The following CCNP variants were observed in gnomAD, a reference collection of about 807,000 sequenced individuals.
CCNP encodes cyclin P, also known as cyclin-P.
Under a neutral mutation model 19.6 loss-of-function variants are expected in CCNP, and 18 were observed. The ratio of observed to expected loss-of-function variants is 0.92; its 90% CI spans 0.64 to 1.36. The LOEUF (loss-of-function observed/expected upper bound fraction) is 1.36, where lower values mean the gene tolerates loss of function less well. CCNP is among the 40% of genes most tolerant of loss of function. The pLI, the probability that CCNP is intolerant of heterozygous loss-of-function variation, is 0.00. For missense variants in CCNP, 440 were observed against 424.4 expected (o/e 1.04, Z -0.32); for synonymous variants, 228 against 194.9 (o/e 1.17, Z -1.41).
rs73933224 is a variant in CCNP at position 40,222,982 on chromosome 19, G to A, written c.*70C>T. Reference sequence around the variant, plus strand: ...GCAAGGTTAAGAGACCCCAGATCTGGACTAATGGGGTCCTCCCACCCCATT... The same window carrying A: ...GCAAGGTTAAGAGACCCCAGATCTGAACTAATGGGGTCCTCCCACCCCATT... On this transcript the variant is annotated 3_prime_UTR_variant, in exon 5 of 5. Coordinates refer to ENST00000430325, the MANE Select transcript of CCNP (RefSeq NM_024877.4). The A allele has an allele frequency of 3.8e-3, 3,360 of 876,518 alleles. 63 individuals carry two copies. The African/African-American group carries it at 0.05, about 13-fold the overall frequency. 54.3% of individuals were successfully genotyped at this position (876,518 alleles called of 1,614,324 possible). A position where few individuals can be genotyped will look rare whatever the true frequency, so the allele number is the denominator to read the frequency against.
Position 40,224,831 on chromosome 19 carries a change from G to T in CCNP, c.268-20C>A. 6.5e-7 allele frequency: 1 copy of T among 1,543,164 alleles called. No individual in the cohort carries two copies. The highest frequency in any genetic ancestry group is 8.8e-7 in the Non-Finnish European group (1 of 1,141,334). ...GCACACCTGGGGTTGGGGCAGGGAC[G>T]CTTCACTCTCCACACCTGTGCCTCT... On this transcript the variant is annotated intron_variant, in intron 1 of 4. Coordinates refer to ENST00000430325, the MANE Select transcript of CCNP (RefSeq NM_024877.4).
intron 1 of CCNP, among the ~76,000 whole-genome samples, chr19:40,225,793 A>G (rs973991063): frequency 2.0e-5 from 3 of 152,176 alleles, no homozygotes; most frequent in African/African-American, 2.4e-5. Context: ...TGCTTTGTCT[A>G]TTTGGCCGCT....
chr19:40,224,006 G>A (rs1247274474), intron 3 of CCNP, among the ~76,000 whole-genome samples: 2 of 151,788 alleles, frequency 1.3e-5, no homozygotes. Flanking sequence ...TTTTTTTGGA[G>A]TGCAGTAGCG....
rs1973511800 is a variant in CCNP at position 40,224,573 on chromosome 19, C to T, written c.428G>A (p.Gly143Asp). Residue 143 changes from glycine to aspartate, a missense_variant, in exon 3 of 5, where the codon GGC (glycine) becomes GAC (aspartate). Gly to Asp is a moderately conservative substitution (Grantham distance 94). Coordinates refer to ENST00000430325, the MANE Select transcript of CCNP (RefSeq NM_024877.4). ...VHLLDSYLSA[G>D]RVRLHRLQLL... ...CTGCAGGCGATGTAGACGCACGCGG[C>T]CAGCGCTCAGGTAGGAATCAAGCAG... 1.2e-6 allele frequency: 2 copies of T among 1,614,232 alleles called. No individual in the cohort carries two copies. Among genetic ancestry groups the T allele is most frequent in the Non-Finnish European group, 1.7e-6 (2 of 1,180,038 alleles).
chr19:40,223,238 C>G lies in CCNP; in HGVS notation c.738G>C (p.Glu246Asp), dbSNP rs1336424311. 2 of 1,546,422 alleles carry G rather than the reference C, an allele frequency of 1.3e-6. No homozygotes were observed. The highest frequency in any genetic ancestry group is 1.7e-6 in the Non-Finnish European group (2 of 1,144,040). Residue 246 changes from glutamate to aspartate, a missense_variant, in exon 5 of 5, where the codon GAG becomes GAC. By Grantham distance (45) the Glu-to-Asp change is conservative. Transcript: ENST00000430325. ...GAGCCGCAGCCGCACGACGACCCGG[C>G]TCCCATCCCGCCGCCTCGGCCTCCA... ...SLLEAEAAGW[E>D]PGRRAAAALS...
In CCNP at chr19:40,226,549, G is replaced by A; in HGVS notation, c.93C>T (p.Leu31=). The change falls in exon 1 of 5, where the codon CTC becomes CTT. Residue 31 remains leucine, a synonymous_variant. Coordinates refer to ENST00000430325, the MANE Select transcript of CCNP (RefSeq NM_024877.4). ...WAPRPSPLQS[L]AASLDAEPSS... ...AAGGCTCTGCGTCGAGGGAGGCAGC[G>A]AGACTCTGCAAAGGAGAGGGCCTGG... 2 of 1,580,730 alleles carry A rather than the reference G, an allele frequency of 1.3e-6. No homozygotes were observed. The highest frequency in any genetic ancestry group is 2.3e-5 in the South Asian group (2 of 87,004).
intron 1 of CCNP, 148 bp downstream of exon 1, chr19:40,226,226 AC>A (rs1973536624): frequency 2.8e-6 from 2 of 704,030 alleles, no homozygotes; most frequent in Admixed American, 5.9e-5. Flanking sequence ...TGAAAACAAA[AC>A]AAAAGCCTGG....
chr19:40,222,234 A>G lies in CCNP; in HGVS notation c.*818T>C. ...CAGAATAAAATAAATTCTTTTATTG[A>G]GATGAGAGACGGACACACACTGGGA... On this transcript the variant is annotated 3_prime_UTR_variant, in exon 5 of 5. Coordinates refer to ENST00000430325, the MANE Select transcript of CCNP (RefSeq NM_024877.4). 2.5e-6 allele frequency: 1 copy of G among 398,328 alleles called. No homozygotes were observed. 24.7% of individuals were successfully genotyped at this position (398,328 alleles called of 1,614,324 possible). A position where few individuals can be genotyped will look rare whatever the true frequency, so the allele number is the denominator to read the frequency against.
chr19:40,223,132 T>G lies in CCNP; in HGVS notation c.844A>C (p.Ser282Arg). Residue 282 changes from serine to arginine, a missense_variant, in exon 5 of 5, where the codon AGT (serine) becomes CGT (arginine). Ser to Arg is a moderately radical substitution (Grantham distance 110). Transcript: ENST00000430325. ...ELYRCSLGGG[S>R]VWGHRSFRDL... is the part of the protein sequence containing the mutation. ...CTGAAGCTGCGGTGACCCCATACAC[T>G]TCCTCCGCCAAGACTACACCTGTAA... 6.4e-7 allele frequency: 1 copy of G among 1,551,142 alleles called. No individual in the cohort carries two copies.
intron 3 of CCNP, chr19:40,223,773 C>G: frequency 3.4e-6 from 2 of 588,264 alleles, no homozygotes; most frequent in South Asian, 4.7e-5. Context: ...ATAGGACATT[C>G]ACTTAAGCTC....
rs762688407 is a variant in CCNP at position 40,226,667 on chromosome 19, G to C, written c.-26C>G. On this transcript the variant is annotated 5_prime_UTR_variant, in exon 1 of 5. Transcript: ENST00000430325. ...CCTCCAGGAGGGTGTTGCGGGCGAG[G>C]CCAAGCACCGACCCTTGCAGCTAGG... The C allele has an allele frequency of 6.5e-7, 1 of 1,527,904 alleles. No homozygotes were observed. Among genetic ancestry groups the C allele is most frequent in the Non-Finnish European group, 8.8e-7 (1 of 1,140,776 alleles). 94.6% of individuals were successfully genotyped at this position (1,527,904 alleles called of 1,614,324 possible). A position where few individuals can be genotyped will look rare whatever the true frequency, so the allele number is the denominator to read the frequency against.
Position 40,222,700 on chromosome 19 carries a change from T to A in CCNP, c.*352A>T. ...CCTACAGGGCGCGGCTAGTGCGGAG[T>A]CAGAACACTCGAGGAAGCAAGGAGG... On this transcript the variant is annotated 3_prime_UTR_variant, in exon 5 of 5. Transcript: ENST00000430325. 2.5e-6 allele frequency: 1 copy of A among 403,250 alleles called. No individual in the cohort carries two copies. The highest frequency in any genetic ancestry group is 4.3e-6 in the Non-Finnish European group (1 of 229,896). 25.0% of individuals were successfully genotyped at this position (403,250 alleles called of 1,614,324 possible).
chr19:40,226,339 G>A (rs747128866), intron 1 of CCNP, 36 bp downstream of exon 1: 1 of 1,580,548 alleles, frequency 6.3e-7, no homozygotes. Context: ...GTGGGCCGGC[G>A]TCGCCCTCAC....
chr19:40,226,677 G>T lies in CCNP; in HGVS notation c.-36C>A, dbSNP rs1323678481. On this transcript the variant is annotated 5_prime_UTR_variant, in exon 1 of 5. Coordinates refer to ENST00000430325, the MANE Select transcript of CCNP (RefSeq NM_024877.4). Reference sequence around the variant, plus strand: ...GGTGTTGCGGGCGAGGCCAAGCACCGACCCTTGCAGCTAGGGGAAGAGACG... The same window carrying T: ...GGTGTTGCGGGCGAGGCCAAGCACCTACCCTTGCAGCTAGGGGAAGAGACG... The T allele has an allele frequency of 6.7e-7, 1 of 1,503,644 alleles. No individual in the cohort carries two copies. The highest frequency in any genetic ancestry group is 2.4e-5 in the East Asian group (1 of 41,106). 93.1% of individuals were successfully genotyped at this position (1,503,644 alleles called of 1,614,324 possible).
intron 3 of CCNP, 78 bp from the exon 4 acceptor site, chr19:40,223,624 A>G (rs142135057): frequency 1.6e-5 from 26 of 1,591,688 alleles, no homozygotes; most frequent in Non-Finnish European, 2.2e-5. Flanking sequence ...AAAGGCCCCA[A>G]GTTCCGGACC....
Position 40,223,342 on chromosome 19 carries a change from CT to C in CCNP, c.673-40del, listed in dbSNP as rs1238050798. 2.7e-6 allele frequency: 4 copies of C among 1,492,196 alleles called. No individual in the cohort carries two copies. The Admixed American group carries it at 6.9e-5, about 26-fold the overall frequency. 92.4% of individuals were successfully genotyped at this position (1,492,196 alleles called of 1,614,324 possible). A position where few individuals can be genotyped will look rare whatever the true frequency, so the allele number is the denominator to read the frequency against. On this transcript the variant is annotated intron_variant, in intron 4 of 4. Transcript: ENST00000430325. ...GGGGCGACTGTCAGGCCACGCCCCA[CT>C]TCGCGCCGGCCACGCCCCCACCCCG...
At chr19:40,224,363 A>T in intron 3 of CCNP, 125 bp downstream of exon 3, 1 of 1,061,558 alleles carries the variant, frequency 9.4e-7, no homozygotes, top group Non-Finnish European at 1.4e-6. Flanking sequence ...GGACACATTG[A>T]CAGCCCCTCC....
chr19:40,223,963 ATTTGT>A (rs1232877774), intron 3 of CCNP, among the ~76,000 whole-genome samples: 4 of 147,250 alleles, frequency 2.7e-5, no homozygotes, highest in African/African-American at 5.3e-5. Flanking sequence ...CCCCAAAGTG[ATTTGT>A]TTTGTTTTTT....
At chr19:40,223,881 A>G (rs924235380) in intron 3 of CCNP, among the ~76,000 whole-genome samples, 1 of 151,934 alleles carries the variant, frequency 6.6e-6, no homozygotes, top group African/African-American at 2.4e-5. Context: ...TGTTGACGGT[A>G]ACTATTCAAG....
Sources: gnomAD v4.1 joint callset for allele counts (sites outside exome capture counted in the v4.1 genomes callset) on GRCh38, gnomAD v4.1.1 for gene constraint, MANE v1.5 for transcripts, NCBI Gene and HGNC (gene_info 2026-07-23, HGNC 2026-07-21) for gene names.